KANSL2: variants seen among roughly 807,000 people sequenced by gnomAD.
KANSL2 encodes the protein NSL complex protein NSL2.
KANSL2 carries 34 observed loss-of-function variants against 55.6 expected under a neutral mutation model. That is an observed-to-expected ratio of 0.61 (90% CI 0.46 to 0.81). The LOEUF (loss-of-function observed/expected upper bound fraction) is 0.81, where lower values mean the gene tolerates loss of function less well. KANSL2 is among the 40% of genes least tolerant of loss of function. The probability of loss-of-function intolerance (pLI) is 0.00; values close to 1 mark genes in which losing one functional copy is unlikely to be tolerated. For synonymous variants in KANSL2, 209 were observed against 214.3 expected (o/e 0.98, Z 0.22); for missense variants, 502 against 609.9 (o/e 0.82, Z 1.86).
chr12:48,662,499 T>C, intron 7 of KANSL2: 5 of 1,186,102 alleles, frequency 4.2e-6, no homozygotes, highest in Non-Finnish European at 5.3e-6. Flanking sequence ...CCCATCATCC[T>C]CCACCCGCTT....
chr12:48,672,598 T>C (rs998337786), intron 4 of KANSL2, among the ~76,000 whole-genome samples: 3 of 151,180 alleles, frequency 2.0e-5, no homozygotes, highest in Non-Finnish European at 2.9e-5. Flanking sequence ...ACTTGGTTAA[T>C]TTTTGTATTT....
At chr12:48,662,645 G>T in intron 7 of KANSL2, 1 of 1,286,382 alleles carries the variant, frequency 7.8e-7, no homozygotes, top group Non-Finnish European at 1.0e-6. Flanking sequence ...AATGGCAGTC[G>T]CATCTTTCTC....
At position 48,681,421 on chromosome 12, in the gene KANSL2, C is replaced by A. The variant is rs778352224; in HGVS notation, c.212G>T (p.Arg71Ile). ...TGGCTTTGGGGCAGCATTGGGACAT[C>A]TTTTTCCATTCTTCGTCGATATATA... ...CSYISTKNGK[R>I]CPNAAPKPEK... Residue 71 changes from arginine to isoleucine, a missense_variant, in exon 2 of 10, where the codon AGA (arginine) becomes ATA (isoleucine). Transcript: ENST00000420613. 6.2e-7 allele frequency: 1 copy of A among 1,613,832 alleles called. No individual in the cohort carries two copies. Among genetic ancestry groups the A allele is most frequent in the Non-Finnish European group, 8.5e-7 (1 of 1,179,828 alleles).
chr12:48,656,477 G>A (rs1292513214), intron 8 of KANSL2, among the ~76,000 whole-genome samples: 2 of 151,838 alleles, frequency 1.3e-5, no homozygotes, highest in Admixed American at 1.3e-4. Flanking sequence ...GTTTCACCAT[G>A]TTAGCCAGGA....
At chr12:48,662,713 A>G in intron 7 of KANSL2, 1 of 1,164,366 alleles carries the variant, frequency 8.6e-7, no homozygotes, top group Non-Finnish European at 1.1e-6. Flanking sequence ...TGGAAAGGAA[A>G]GAGCATAAAA....
chr12:48,669,973 CG>C (rs925857307), intron 5 of KANSL2, among the ~76,000 whole-genome samples: 67 of 152,080 alleles, frequency 4.4e-4, no homozygotes, highest in Non-Finnish European at 3.2e-4. Flanking sequence ...GAGCCCAAGG[CG>C]GGCAGATCAC....
intron 9 of KANSL2, chr12:48,654,492 C>CA (rs776405595): frequency 1.6e-5 from 10 of 643,270 alleles, no homozygotes; most frequent in Non-Finnish European, 3.0e-5. Flanking sequence ...AGCCACAGTA[C>CA]AACTGCTGGT....
At chr12:48,667,834 A>G in intron 6 of KANSL2, 45 bp from the exon 7 acceptor site, 1 of 1,314,050 alleles carries the variant, frequency 7.6e-7, no homozygotes, top group Non-Finnish European at 1.1e-6. Context: ...AAAAGAACAC[A>G]CAAACAATTA....
At chr12:48,655,594 T>C (rs913863024) in intron 8 of KANSL2, among the ~76,000 whole-genome samples, 2 of 149,672 alleles carry the variant, frequency 1.3e-5, no homozygotes, top group Non-Finnish European at 3.0e-5. Flanking sequence ...TCTAGGAAAA[T>C]TCACAGAAAC....
intron 8 of KANSL2, among the ~76,000 whole-genome samples, chr12:48,655,638 G>C (rs187619634): frequency 2.0e-5 from 3 of 152,252 alleles, no homozygotes; most frequent in East Asian, 3.9e-4. Flanking sequence ...AGGGAACAGG[G>C]GAAAGGGAAA....
At chr12:48,676,855 T>C (rs1198813956) in intron 4 of KANSL2, among the ~76,000 whole-genome samples, 1 of 152,246 alleles carries the variant, frequency 6.6e-6, no homozygotes, top group Middle Eastern at 3.4e-3. Flanking sequence ...CAATATAAAA[T>C]TGCCCTTTGT....
intron 7 of KANSL2, chr12:48,667,460 T>C (rs746159639): frequency 3.1e-6 from 2 of 635,902 alleles, no homozygotes; most frequent in Non-Finnish European, 5.9e-6. Flanking sequence ...AAACGACTCA[T>C]GTTTCTTTCT....
At position 48,682,196 on chromosome 12, in the gene KANSL2, T is replaced by C. The variant is rs1444903583; in HGVS notation, c.-19A>G. On this transcript the variant is annotated 5_prime_UTR_variant, in exon 1 of 10. Coordinates refer to ENST00000420613, the MANE Select transcript of KANSL2 (RefSeq NM_017822.4). ...AGCACCGCCATCTTACCTCAGGAGC[T>C]GCGCTGCGCCGCACTCTGCCGCGCC... 5.9e-6 allele frequency: 4 copies of C among 677,604 alleles called. No individual in the cohort carries two copies. In the Admixed American group the frequency reaches 6.4e-5, roughly 11 times the overall value. The allele number at this position is 677,604 out of a possible 1,614,324, so 42.0% of individuals were successfully genotyped here. A position where few individuals can be genotyped will look rare whatever the true frequency, so the allele number is the denominator to read the frequency against.
chr12:48,680,036 G>A (rs1055572519), intron 2 of KANSL2: 3 of 512,816 alleles, frequency 5.9e-6, no homozygotes, highest in Non-Finnish European at 1.0e-5. Context: ...CGGATGAAGT[G>A]GTTCACCCTT....
chr12:48,673,256 A>G (rs1939760441), intron 4 of KANSL2, among the ~76,000 whole-genome samples: 1 of 152,058 alleles, frequency 6.6e-6, no homozygotes, highest in African/African-American at 2.4e-5. Context: ...TTTGCTGCCA[A>G]TTATAAACTA....
chr12:48,661,829 G>C (rs1215356467), intron 7 of KANSL2, among the ~76,000 whole-genome samples: 1 of 152,164 alleles, frequency 6.6e-6, no homozygotes, highest in East Asian at 1.9e-4. Context: ...CTATCCACTA[G>C]CTGTCAGTAG....
chr12:48,671,018 C>G (rs1243456286), intron 5 of KANSL2, among the ~76,000 whole-genome samples: 3 of 152,118 alleles, frequency 2.0e-5, no homozygotes, highest in East Asian at 3.8e-4. Flanking sequence ...AATCCCAGCA[C>G]TTTGGGAGGC....
At chr12:48,662,090 T>C (rs1226981183) in intron 7 of KANSL2, among the ~76,000 whole-genome samples, 1 of 152,196 alleles carries the variant, frequency 6.6e-6, no homozygotes, top group Non-Finnish European at 1.5e-5. Flanking sequence ...TTTAAAATAT[T>C]ATCCATTAAA....
intron 6 of KANSL2, 37 bp downstream of exon 6, chr12:48,669,069 T>C (rs1939657607): frequency 7.1e-7 from 1 of 1,415,916 alleles, no homozygotes. Flanking sequence ...ATAAATAAAG[T>C]GAACGTATAT....
Sources: allele counts gnomAD v4.1 joint callset (sites outside exome capture counted in the v4.1 genomes callset), GRCh38; gene constraint gnomAD v4.1.1; transcripts MANE v1.5; gene names NCBI Gene and HGNC (gene_info 2026-07-23, HGNC 2026-07-21).